The following TES variants were observed in gnomAD, a reference collection of about 807,000 sequenced individuals.
TES encodes testin LIM domain protein, also known as testin.
Under a neutral mutation model 48.2 loss-of-function variants are expected in TES, and 41 were observed. The ratio of observed to expected loss-of-function variants is 0.85; its 90% CI spans 0.66 to 1.10. The LOEUF (loss-of-function observed/expected upper bound fraction) is 1.10, where lower values mean the gene tolerates loss of function less well. Ranked by LOEUF, TES falls within the 50% of genes least tolerant of loss-of-function variation. TES has a pLI of 0.00. For synonymous variants in TES, 162 were observed against 174.9 expected (o/e 0.93, Z 0.58); for missense variants, 463 against 515.1 (o/e 0.90, Z 0.98).
intron 1 of TES, among the ~76,000 whole-genome samples, chr7:116,217,005 T>G (rs2116571670): frequency 6.6e-6 from 1 of 152,280 alleles, no homozygotes; most frequent in South Asian, 2.1e-4. Flanking sequence ...TTCTAGACTC[T>G]GGGGTTATAG....
intron 2 of TES, among the ~76,000 whole-genome samples, chr7:116,238,615 T>TATTATTA (rs10524020): frequency 5.4e-5 from 8 of 148,244 alleles, no homozygotes; most frequent in South Asian, 2.1e-4. Context: ...TTATTATTAT[T>TATTATTA]TTTGAGATGG....
In TES at chr7:116,254,760, G is replaced by A. The variant is rs1029722789; in HGVS notation, c.1077+2284G>A. 5.2e-4 allele frequency among the ~76,000 whole-genome samples: 45 copies of A among 87,144 alleles called. No individual in the cohort carries two copies. In the East Asian group the frequency reaches 5.9e-3, roughly 11 times the overall value. The allele number at this position is 87,144 out of a possible 152,430, so 57.2% of individuals were successfully genotyped here. A position where few individuals can be genotyped will look rare whatever the true frequency, so the allele number is the denominator to read the frequency against. On this transcript the variant is annotated intron_variant, in intron 6 of 6. Transcript: ENST00000358204. ...CGTCTCAAAAAAAATATATATATAT[G>A]TGTGTGTGTGTGTGTGTGTGTGTGT...
chr7:116,237,201 G>GCCT (rs1799783089), intron 2 of TES, among the ~76,000 whole-genome samples: 2 of 152,220 alleles, frequency 1.3e-5, no homozygotes, highest in Non-Finnish European at 2.9e-5. Context: ...TGCCCACTTA[G>GCCT]CCTCCTCCTC....
intron 2 of TES, among the ~76,000 whole-genome samples, chr7:116,244,269 C>CAAGT (rs1799891884): frequency 6.6e-6 from 1 of 152,178 alleles, no homozygotes; most frequent in South Asian, 2.1e-4. Context: ...TGAGACCAGG[C>CAAGT]AAGTCCCTTC....
intron 6 of TES, among the ~76,000 whole-genome samples, chr7:116,253,342 T>C (rs1371508981): frequency 6.6e-6 from 1 of 152,216 alleles, no homozygotes; most frequent in Non-Finnish European, 1.5e-5. Context: ...TTGCCCCAGA[T>C]ACAGTTATTC....
chr7:116,228,442 A>G (rs887763247), intron 1 of TES, among the ~76,000 whole-genome samples: 2 of 152,200 alleles, frequency 1.3e-5, no homozygotes, highest in Non-Finnish European at 2.9e-5. Context: ...AGAATGTGTT[A>G]CTAAAATTAT....
At chr7:116,247,752 T>G (rs1386499075) in intron 2 of TES, among the ~76,000 whole-genome samples, 2 of 152,240 alleles carry the variant, frequency 1.3e-5, no homozygotes, top group African/African-American at 2.4e-5. Context: ...CAAAACTTAA[T>G]TCAGTAATTT....
chr7:116,226,416 T>C (rs1001101310), intron 1 of TES, among the ~76,000 whole-genome samples: 1 of 152,118 alleles, frequency 6.6e-6, no homozygotes, highest in Admixed American at 6.6e-5. Context: ...ACAACGACTT[T>C]GGCAGATGGA....
At position 116,249,163 on chromosome 7, in the gene TES, T is replaced by C. The variant is rs1222480509; in HGVS notation, c.257T>C (p.Met86Thr). Residue 86 changes from methionine to threonine, a missense_variant, in exon 3 of 7, where the codon ATG becomes ACG. By Grantham distance (81) the Met-to-Thr change is moderately conservative (BLOSUM62 -1). Transcript: ENST00000358204. ...AAACTAAAGTCAGATGGAATTCCCA[T>C]GTATAAACGCAATGTTATGATATTG... ...IAKLKSDGIPMYKRNVMILTN... is the reference protein window; with the variant it reads ...IAKLKSDGIPTYKRNVMILTN... 6.2e-7 allele frequency: 1 copy of C among 1,614,098 alleles called. No homozygotes were observed. The highest frequency in any genetic ancestry group is 2.2e-5 in the East Asian group (1 of 44,858).
At chr7:116,254,766 G>A (rs910413555) in intron 6 of TES, among the ~76,000 whole-genome samples, 67 of 139,986 alleles carry the variant, frequency 4.8e-4, no homozygotes, top group African/African-American at 2.0e-3. Flanking sequence ...ATATGTGTGT[G>A]TGTGTGTGTG....
At position 116,210,554 on chromosome 7, in the gene TES, G is replaced by T; in HGVS notation, c.-154G>T. The T allele has an allele frequency of 1.2e-6, 1 of 824,058 alleles. No homozygotes were observed. The highest frequency in any genetic ancestry group is 1.6e-6 in the Non-Finnish European group (1 of 606,190). The allele number at this position is 824,058 out of a possible 1,614,324, so 51.0% of individuals were successfully genotyped here. On this transcript the variant is annotated 5_prime_UTR_variant, in exon 1 of 7. Transcript: ENST00000358204. ...CCGCAGGCCCGCTGCGGCGGACTGG[G>T]CGGCGGAAGTTCGACGGCGCCGGGC... is the stretch of plus-strand genomic sequence containing the variant.
Position 116,251,859 on chromosome 7 carries a change from T to C in TES, c.802T>C (p.Cys268Arg). The C allele has an allele frequency of 1.2e-6, 2 of 1,614,180 alleles. No homozygotes were observed. The highest frequency in any genetic ancestry group is 1.7e-6 in the Non-Finnish European group (2 of 1,180,042). Residue 268 changes from cysteine (C) to arginine (R), a missense_variant, in exon 5 of 7, where the codon TGC (cysteine) becomes CGC (arginine). Transcript: ENST00000358204. ...ACTGTGGCACCCAGCTTGTTTTGTC[T>C]GCAGCACCTGCCATGAACTCCTGGT... is the stretch of plus-strand genomic sequence containing the variant. ...DKLWHPACFV[C>R]STCHELLVDM...
chr7:116,228,009 T>TG (rs1325544160), intron 1 of TES, among the ~76,000 whole-genome samples: 1 of 96,988 alleles, frequency 1.0e-5, no homozygotes, highest in Non-Finnish European at 2.3e-5. Flanking sequence ...CTTTTTTTTG[T>TG]TTTTTTTTTT....
rs1477057009 is a variant in TES at position 116,245,015 on chromosome 7, C to A, written c.114-4005C>A. Among the ~76,000 whole-genome samples the A allele has an allele frequency of 3.9e-5, 6 of 152,256 alleles. No individual in the cohort carries two copies. The East Asian group carries it at 1.2e-3, about 30-fold the overall frequency. ...CCCAAGGCTGCACAGAGCAAGGGAT[C>A]CCTGGGCGTGGTCCACGACAGCATT... On this transcript the variant is annotated intron_variant, in intron 2 of 6. Coordinates refer to ENST00000358204, the MANE Select transcript of TES (RefSeq NM_015641.4).
intron 6 of TES, among the ~76,000 whole-genome samples, chr7:116,256,087 T>C (rs1023335719): frequency 6.6e-6 from 1 of 152,182 alleles, no homozygotes; most frequent in Admixed American, 6.5e-5. Flanking sequence ...AGAATTTTCA[T>C]TGTATCTCAG....
chr7:116,224,987 A>G (rs557442483), intron 1 of TES, among the ~76,000 whole-genome samples: 1 of 152,186 alleles, frequency 6.6e-6, no homozygotes, highest in South Asian at 2.1e-4. Context: ...AATTTCTCCA[A>G]GTCTCAATTT....
At chr7:116,225,227 T>C (rs1799608429) in intron 1 of TES, among the ~76,000 whole-genome samples, 1 of 131,386 alleles carries the variant, frequency 7.6e-6, no homozygotes, top group African/African-American at 3.0e-5. Flanking sequence ...TTTCCTAGAA[T>C]GTAGCAGGAT....
intron 2 of TES, among the ~76,000 whole-genome samples, chr7:116,248,022 G>A (rs1401863294): frequency 6.6e-6 from 1 of 152,148 alleles, no homozygotes; most frequent in Non-Finnish European, 1.5e-5. Flanking sequence ...TTGTGTCCAT[G>A]TGTACTCAAT....
At chr7:116,234,454 G>A (rs1235430284) in intron 1 of TES, 80 bp from the exon 2 acceptor site, 1 of 1,213,112 alleles carries the variant, frequency 8.2e-7, no homozygotes, top group Non-Finnish European at 1.2e-6. Flanking sequence ...AGTGGTAAGT[G>A]GAATTAAAAG....
Sources: gnomAD v4.1 joint callset for allele counts (sites outside exome capture counted in the v4.1 genomes callset) on GRCh38, gnomAD v4.1.1 for gene constraint, MANE v1.5 for transcripts, NCBI Gene and HGNC (gene_info 2026-07-23, HGNC 2026-07-21) for gene names.